Variants in TNNI3K observed in about 807,000 individuals in gnomAD.
TNNI3K encodes the protein serine/threonine-protein kinase TNNI3K.
A neutral mutation model predicts 114.5 loss-of-function variants in TNNI3K; 140 were observed. The observed-to-expected ratio is 1.22, with a 90% CI of 1.07 to 1.41. The LOEUF is 1.41. TNNI3K is among the 40% of genes most tolerant of loss of function. TNNI3K has a pLI of 0.00. For synonymous variants in TNNI3K, 347 were observed against 347.5 expected (o/e 1.00, Z 0.02); for missense variants, 1,125 against 1,007.6 (o/e 1.12, Z -1.58).
chr1:74,543,759 G>T, intron 24 of TNNI3K, 147 bp from the exon 25 acceptor site: 1 of 801,694 alleles, frequency 1.2e-6, no homozygotes, highest in Non-Finnish European at 2.1e-6. Flanking sequence ...AATGTTGCTT[G>T]TGCTTTGCAA....
At chr1:74,379,666 ACTCTTCCTGGTTTT>A (rs1331041232) in intron 17 of TNNI3K, among the ~76,000 whole-genome samples, 1 of 151,658 alleles carries the variant, frequency 6.6e-6, no homozygotes, top group Non-Finnish European at 1.5e-5. Context: ...TCACTATCCA[ACTCTTCCTGGTTTT>A]TCTCTGAGGG....
intron 5 of TNNI3K, among the ~76,000 whole-genome samples, chr1:74,299,312 A>C (rs181821751): frequency 1.3e-5 from 2 of 152,256 alleles, no homozygotes; most frequent in African/African-American, 4.8e-5. Flanking sequence ...AGAATTTACC[A>C]GTATACATGA....
chr1:74,263,674 G>T (rs1301170681), intron 4 of TNNI3K, among the ~76,000 whole-genome samples: 1 of 151,724 alleles, frequency 6.6e-6, no homozygotes. Flanking sequence ...GGAAATGGAG[G>T]CAATAAACAT....
intron 24 of TNNI3K, 113 bp downstream of exon 24, chr1:74,540,426 C>A (rs369403465): frequency 4.1e-6 from 4 of 970,844 alleles, no homozygotes; most frequent in East Asian, 2.7e-5. Flanking sequence ...ATGACAGATG[C>A]TTTAAAAATA....
At chr1:74,527,102 T>C (rs1646513750) in intron 23 of TNNI3K, among the ~76,000 whole-genome samples, 1 of 152,160 alleles carries the variant, frequency 6.6e-6, no homozygotes, top group African/African-American at 2.4e-5. Flanking sequence ...ACTGTATACA[T>C]TGGAAATCCA....
rs202247487 is a variant in TNNI3K at position 74,463,591 on chromosome 1, C to T, written c.2121+41C>T. ...TTCCTCTTAGAAAATGTGTTATGGTCAAAATCTGTCACAAATAGTATAACT... is the reference window on the plus strand; with the variant it reads ...TTCCTCTTAGAAAATGTGTTATGGTTAAAATCTGTCACAAATAGTATAACT... On this transcript the variant is annotated intron_variant, in intron 21 of 24. Coordinates refer to ENST00000326637, the MANE Select transcript of TNNI3K (RefSeq NM_015978.3). The T allele has an allele frequency of 3.7e-5, 60 of 1,600,692 alleles. No homozygotes were observed. In the Middle Eastern group the frequency reaches 5.0e-4, roughly 13 times the overall value.
intron 5 of TNNI3K, among the ~76,000 whole-genome samples, chr1:74,311,548 A>G (rs1658997666): frequency 6.6e-6 from 1 of 152,224 alleles, no homozygotes. Context: ...AAATATGACA[A>G]AAATAGATTC....
At chr1:74,504,978 T>G (rs1385668166) in intron 23 of TNNI3K, among the ~76,000 whole-genome samples, 5 of 152,128 alleles carry the variant, frequency 3.3e-5, no homozygotes, top group Non-Finnish European at 7.4e-5. Flanking sequence ...GGTGACAGAT[T>G]TCTCAGTTTT....
intron 5 of TNNI3K, among the ~76,000 whole-genome samples, chr1:74,273,281 A>T (rs544114710): frequency 9.2e-5 from 14 of 152,028 alleles, no homozygotes; most frequent in African/African-American, 3.4e-4. Flanking sequence ...TTTTAGTGAG[A>T]TTCATTGTAA....
In TNNI3K at chr1:74,538,123, G is replaced by C. The variant is rs534982051; in HGVS notation, c.2352-2111G>C. On this transcript the variant is annotated intron_variant, in intron 23 of 24. Coordinates refer to ENST00000326637, the MANE Select transcript of TNNI3K (RefSeq NM_015978.3). ...GATAAATAGGCATATTCAAGCAGTTGAGAGTGCTCAGCCATAGTCATAGAG... is the reference window on the plus strand; with the variant it reads ...GATAAATAGGCATATTCAAGCAGTTCAGAGTGCTCAGCCATAGTCATAGAG... 3.3e-5 allele frequency among the ~76,000 whole-genome samples: 5 copies of C among 152,210 alleles called. No homozygotes were observed. The East Asian group carries it at 9.7e-4, about 29-fold the overall frequency.
At chr1:74,316,113 G>A (rs1659289057) in intron 5 of TNNI3K, among the ~76,000 whole-genome samples, 1 of 152,116 alleles carries the variant, frequency 6.6e-6, no homozygotes, top group South Asian at 2.1e-4. Flanking sequence ...GTTCAATGTT[G>A]GTAATTTAAT....
intron 17 of TNNI3K, chr1:74,372,682 T>G (rs1315338530): frequency 6.6e-6 from 1 of 151,850 alleles, no homozygotes; most frequent in Non-Finnish European, 1.5e-5. Flanking sequence ...CACATGGTAT[T>G]AAAACAAATG....
intron 11 of TNNI3K, among the ~76,000 whole-genome samples, chr1:74,358,775 AAAATAATCTC>A (rs1374093812): frequency 6.6e-6 from 1 of 151,990 alleles, no homozygotes; most frequent in Non-Finnish European, 1.5e-5. Context: ...ATAAGTAAGT[AAAATAATCTC>A]AACTGTCATT....
intron 5 of TNNI3K, among the ~76,000 whole-genome samples, chr1:74,311,599 T>A (rs1451880874): frequency 6.6e-6 from 1 of 152,196 alleles, no homozygotes; most frequent in Admixed American, 6.5e-5. Flanking sequence ...GCACATTTCA[T>A]GAAGGTATCA....
chr1:74,440,665 A>G (rs1666338680), intron 20 of TNNI3K, among the ~76,000 whole-genome samples: 1 of 152,094 alleles, frequency 6.6e-6, no homozygotes, highest in Admixed American at 6.6e-5. Flanking sequence ...ATAGTTTGTT[A>G]AGCGTAATGA....
At chr1:74,273,320 G>A (rs1465051025) in intron 5 of TNNI3K, among the ~76,000 whole-genome samples, 2 of 151,948 alleles carry the variant, frequency 1.3e-5, no homozygotes, top group East Asian at 3.9e-4. Flanking sequence ...TACTTATGAG[G>A]AAAGGGGAAA....
chr1:74,332,973 A>T (rs1427489883), intron 6 of TNNI3K, among the ~76,000 whole-genome samples: 1 of 70,722 alleles, frequency 1.4e-5, no homozygotes, highest in African/African-American at 4.4e-5. Context: ...AAAAAAAAAA[A>T]AAAAGAGAGA....
chr1:74,460,195 G>A (rs895413730), intron 20 of TNNI3K, among the ~76,000 whole-genome samples: 3 of 151,770 alleles, frequency 2.0e-5, no homozygotes, highest in Non-Finnish European at 2.9e-5. Flanking sequence ...CCTGCCTCGA[G>A]TAGCTGGGAC....
chr1:74,521,761 T>C (rs967413156), intron 23 of TNNI3K, among the ~76,000 whole-genome samples: 4 of 152,194 alleles, frequency 2.6e-5, no homozygotes, highest in Non-Finnish European at 5.9e-5. Context: ...GTCTCATAAA[T>C]GAATACATGA....
Sources: gnomAD v4.1 joint callset for allele counts (sites outside exome capture counted in the v4.1 genomes callset) on GRCh38, gnomAD v4.1.1 for gene constraint, MANE v1.5 for transcripts, NCBI Gene and HGNC (gene_info 2026-07-23, HGNC 2026-07-21) for gene names.